Variants in BAZ2B observed in about 807,000 individuals in gnomAD.
BAZ2B encodes bromodomain adjacent to zinc finger domain 2B, also known as bromodomain adjacent to zinc finger domain protein 2B.
In BAZ2B, 91 loss-of-function variants were observed where a neutral mutation model predicts 246.0. The observed-to-expected ratio is 0.37, with a 90% confidence interval of 0.31 to 0.44. The LOEUF (loss-of-function observed/expected upper bound fraction) is 0.44. BAZ2B is among the 20% of genes least tolerant of loss of function. The pLI is 1.00. For missense variants in BAZ2B, 2,332 were observed against 2,533.7 expected, an observed-to-expected ratio of 0.92 and a Z score of 1.71; for synonymous variants, 855 against 860.0, an observed-to-expected ratio of 0.99 and a Z score of 0.10.
At chr2:159,534,563 C>T (rs536203730) in intron 2 of BAZ2B, among the ~76,000 whole-genome samples, 53 of 151,774 alleles carry the variant, frequency 3.5e-4, no homozygotes, top group African/African-American at 1.2e-3. Context: ...TGTCCTTGAC[C>T]AAAACATCAT....
chr2:159,408,834 C>T (rs2066369288), intron 14 of BAZ2B, among the ~76,000 whole-genome samples: 1 of 151,972 alleles, frequency 6.6e-6, no homozygotes, highest in African/African-American at 2.4e-5. Context: ...GCAGGAGAAT[C>T]GCTGAACGCA....
the BAZ2B span, among the ~76,000 whole-genome samples, chr2:159,632,402 T>C: frequency 1.3e-5 from 2 of 152,180 alleles, no homozygotes; most frequent in Admixed American, 6.5e-5. Flanking sequence ...TATTAAATAG[T>C]CATTACCAAA....
At chr2:159,679,214 A>G in the BAZ2B span, among the ~76,000 whole-genome samples, 67,815 of 144,194 alleles carry the variant, frequency 0.47, 16,329 homozygotes, top group Middle Eastern at 0.68. Context: ...GGAGCTTGCA[A>G]TGAGCCAAGA....
At chr2:159,466,737 T>C (rs1409933178) in intron 3 of BAZ2B, among the ~76,000 whole-genome samples, 1 of 151,258 alleles carries the variant, frequency 6.6e-6, no homozygotes, top group Non-Finnish European at 1.5e-5. Flanking sequence ...GAAGGGCTGA[T>C]GGTGTTAAGT....
chr2:159,649,196 G>A, the BAZ2B span, among the ~76,000 whole-genome samples: 1 of 151,982 alleles, frequency 6.6e-6, no homozygotes, highest in Admixed American at 6.6e-5. Context: ...AGTTTTGGAA[G>A]TTCTTTATAC....
rs1365102137 is a variant in BAZ2B, at chr2:159,400,916, C to T, written c.2833-252G>A. ...AAAATTAGCAGGGCTTGGTGGCGGG[C>T]ACCTGTAGTCCCAACTACTCGGGAG... On this transcript the variant is annotated intron_variant, in intron 16 of 36. Coordinates refer to ENST00000392783, the MANE Select transcript of BAZ2B (RefSeq NM_013450.4). 2.0e-5 allele frequency among the ~76,000 whole-genome samples: 3 copies of T among 152,140 alleles called. No homozygotes were observed. The East Asian group carries it at 5.8e-4, about 29-fold the overall frequency.
intron 14 of BAZ2B, among the ~76,000 whole-genome samples, chr2:159,405,937 G>C (rs939559701): frequency 1.3e-5 from 2 of 152,148 alleles, no homozygotes; most frequent in Admixed American, 1.3e-4. Flanking sequence ...ATGAAGGAGA[G>C]GGACTAAATC....
intron 1 of BAZ2B, among the ~76,000 whole-genome samples, chr2:159,600,166 G>A (rs550832072): frequency 1.3e-5 from 2 of 152,114 alleles, no homozygotes; most frequent in South Asian, 4.1e-4. Flanking sequence ...TCAAGGATAC[G>A]CACAAGTTAA....
At position 159,385,110 on chromosome 2, in the gene BAZ2B, A is replaced by T. The variant is rs754400573; in HGVS notation, c.3686+45T>A. ...ATTTGTATTACTTTTTGATTAGAAA[A>T]ATTCAAAATGGAAAAATCACGGAAA... On this transcript the variant is annotated intron_variant, in intron 23 of 36. Coordinates refer to ENST00000392783, the MANE Select transcript of BAZ2B (RefSeq NM_013450.4). 32 of 1,547,344 alleles carry T rather than the reference A, an allele frequency of 2.1e-5. 1 individual carries two copies. The South Asian group carries it at 3.7e-4, about 18-fold the overall frequency.
At chr2:159,316,966 A>T (rs1480782291), downstream of BAZ2B, among the ~76,000 whole-genome samples, 2 of 151,904 alleles carry the variant, frequency 1.3e-5, no homozygotes, top group Non-Finnish European at 2.9e-5. Flanking sequence ...ACACCACTGC[A>T]TTCCAGCCTG....
chr2:159,397,474 T>A, intron 18 of BAZ2B, 85 bp from the exon 19 acceptor site: 1 of 872,302 alleles, frequency 1.1e-6, no homozygotes, highest in Non-Finnish European at 1.7e-6. Flanking sequence ...TTTCTGAGAT[T>A]CTATAGTTTT....
chr2:159,533,077 GA>G (rs1299459189), intron 2 of BAZ2B, among the ~76,000 whole-genome samples: 1 of 152,186 alleles, frequency 6.6e-6, no homozygotes, highest in African/African-American at 2.4e-5. Flanking sequence ...ATCTAAGCAT[GA>G]CCTGATAGGG....
intron 1 of BAZ2B, among the ~76,000 whole-genome samples, chr2:159,564,128 C>A (rs2090134963): frequency 6.6e-6 from 1 of 152,076 alleles, no homozygotes; most frequent in Admixed American, 6.6e-5. Flanking sequence ...GAAATGACAG[C>A]AAGGAGGTAT....
At chr2:159,668,949 G>A in the BAZ2B span, among the ~76,000 whole-genome samples, 2 of 151,956 alleles carry the variant, frequency 1.3e-5, no homozygotes, top group Non-Finnish European at 2.9e-5. Context: ...CAGGCTACTC[G>A]GGAGGCTGAG....
rs563099364 is a variant in BAZ2B at position 159,581,357 on chromosome 2, C to G, written c.-45-25492G>C. ...CACTGGCCATCAGAGAAATGCAAAT[C>G]AAAACCACTATGAGATACCATCTCA... On this transcript the variant is annotated intron_variant, in intron 1 of 36. Transcript: ENST00000392783. 4.9e-4 allele frequency among the ~76,000 whole-genome samples: 74 copies of G among 152,314 alleles called. No homozygotes were observed. The South Asian group carries it at 0.015, about 31-fold the overall frequency.
chr2:159,585,233 T>C (rs2113861), intron 1 of BAZ2B, among the ~76,000 whole-genome samples: 46,390 of 152,132 alleles, frequency 0.3, 8,860 homozygotes, highest in Admixed American at 0.43. Context: ...TTTAAGATGC[T>C]TCGTCAGTGT....
chr2:159,406,537 T>A (rs1349251498), intron 14 of BAZ2B, among the ~76,000 whole-genome samples: 1 of 152,198 alleles, frequency 6.6e-6, no homozygotes, highest in Non-Finnish European at 1.5e-5. Context: ...GTCTGAATAC[T>A]TCAAACTCTA....
chr2:159,657,365 C>T, the BAZ2B span, among the ~76,000 whole-genome samples: 1 of 152,160 alleles, frequency 6.6e-6, no homozygotes, highest in Non-Finnish European at 1.5e-5. Context: ...GTGTTGATTA[C>T]TGTAGCTTTA....
At chr2:159,703,864 C>CA in the BAZ2B span, among the ~76,000 whole-genome samples, 1 of 151,516 alleles carries the variant, frequency 6.6e-6, no homozygotes, top group Non-Finnish European at 1.5e-5. Flanking sequence ...GACCCTGTCT[C>CA]AAAAAAAAAT....
Sources: allele counts gnomAD v4.1 joint callset (sites outside exome capture counted in the v4.1 genomes callset), GRCh38; gene constraint gnomAD v4.1.1; transcripts MANE v1.5; gene names NCBI Gene and HGNC (gene_info 2026-07-23, HGNC 2026-07-21).